Variants in NEGR1 observed in about 807,000 individuals in gnomAD.
NEGR1 encodes neuronal growth regulator 1, also known as IgLON family member 4.
Under a neutral mutation model 40.9 loss-of-function variants are expected in NEGR1, and 10 were observed. That is an observed-to-expected ratio of 0.24 (90% CI 0.15 to 0.42). The LOEUF (loss-of-function observed/expected upper bound fraction) is 0.42, where lower values mean the gene tolerates loss of function less well. NEGR1 is among the 10% of genes least tolerant of loss of function. The pLI, the probability that NEGR1 is intolerant of heterozygous loss-of-function variation, is 1.00. For missense variants in NEGR1, 352 were observed against 438.9 expected (o/e 0.80, Z 1.77); for synonymous variants, 185 against 166.8 (o/e 1.11, Z -0.84).
chr1:72,063,058 C>T lies in NEGR1; in HGVS notation c.177-127747G>A, dbSNP rs74837236. The stretch of plus-strand genomic sequence containing the variant: ...AAAGAAGCGTTGATTTTAGAAGTCT[C>T]GAATAGATTATGATATAGTATTTAT... On this transcript the variant is annotated intron_variant, in intron 1 of 6. Transcript: ENST00000357731. Among the ~76,000 whole-genome samples, 651 of 151,648 alleles carry T rather than the reference C, an allele frequency of 4.3e-3. 4 individuals carry two copies. Among genetic ancestry groups the T allele is most frequent in the African/African-American group, 0.015 (615 of 41,344 alleles).
At chr1:71,485,985 G>C (rs1377795860) in intron 6 of NEGR1, among the ~76,000 whole-genome samples, 1 of 151,594 alleles carries the variant, frequency 6.6e-6, no homozygotes, top group Admixed American at 6.6e-5. Context: ...CATATGTTTA[G>C]TTTTACAAGA....
intron 6 of NEGR1, among the ~76,000 whole-genome samples, chr1:71,442,135 C>G (rs903962929): frequency 6.6e-6 from 1 of 151,342 alleles, no homozygotes; most frequent in African/African-American, 2.4e-5. Context: ...AAAAAAACCT[C>G]TCTATAAATG....
chr1:72,281,303 A>G (rs1365772163), intron 1 of NEGR1, among the ~76,000 whole-genome samples: 1 of 152,248 alleles, frequency 6.6e-6, no homozygotes, highest in East Asian at 1.9e-4. Flanking sequence ...TGTGTGAGTG[A>G]CAATGTGGAA....
intron 4 of NEGR1, among the ~76,000 whole-genome samples, chr1:71,622,178 T>C (rs553872827): frequency 2.0e-5 from 3 of 152,054 alleles, no homozygotes; most frequent in African/African-American, 7.2e-5. Context: ...ACTGTTTTCC[T>C]AGCTGTTTGC....
At chr1:72,229,722 A>C (rs918557060) in intron 1 of NEGR1, among the ~76,000 whole-genome samples, 1 of 151,920 alleles carries the variant, frequency 6.6e-6, no homozygotes, top group African/African-American at 2.4e-5. Flanking sequence ...TATTTCCAAA[A>C]GTCTGTAAAA....
chr1:71,496,923 A>G (rs1646967675), intron 6 of NEGR1, among the ~76,000 whole-genome samples: 1 of 152,204 alleles, frequency 6.6e-6, no homozygotes, highest in Admixed American at 6.5e-5. Context: ...CTTTCCTAAC[A>G]TCCATTTTCA....
intron 4 of NEGR1, among the ~76,000 whole-genome samples, chr1:71,692,439 T>G (rs1259270893): frequency 6.6e-6 from 1 of 151,714 alleles, no homozygotes; most frequent in Non-Finnish European, 1.5e-5. Flanking sequence ...CTCTGTTTTC[T>G]TCTAGTCCCA....
intron 2 of NEGR1, among the ~76,000 whole-genome samples, chr1:71,795,601 T>C (rs936481312): frequency 2.6e-5 from 4 of 152,172 alleles, no homozygotes; most frequent in African/African-American, 9.6e-5. Context: ...GATTATACAG[T>C]TTCCAAAAGC....
chr1:71,961,155 T>G (rs1195648786), intron 1 of NEGR1, among the ~76,000 whole-genome samples: 1 of 152,170 alleles, frequency 6.6e-6, no homozygotes, highest in Non-Finnish European at 1.5e-5. Context: ...AGTTGCCAAC[T>G]TGAACTAAAC....
intron 6 of NEGR1, among the ~76,000 whole-genome samples, chr1:71,519,774 C>G (rs1474343964): frequency 6.7e-6 from 1 of 149,392 alleles, no homozygotes; most frequent in East Asian, 2.0e-4. Context: ...GATCACACAG[C>G]AAGTGAATCA....
At chr1:72,255,952 C>G (rs1655259608) in intron 1 of NEGR1, among the ~76,000 whole-genome samples, 1 of 152,082 alleles carries the variant, frequency 6.6e-6, no homozygotes, top group African/African-American at 2.4e-5. Context: ...AAGTCCCAAT[C>G]TAGAAGTTTG....
At chr1:72,196,081 G>A (rs1001014481) in intron 1 of NEGR1, among the ~76,000 whole-genome samples, 2 of 151,966 alleles carry the variant, frequency 1.3e-5, no homozygotes, top group African/African-American at 4.8e-5. Context: ...AATGAAAGGA[G>A]CGTATTGTGG....
At chr1:71,581,646 C>T in intron 6 of NEGR1, among the ~76,000 whole-genome samples, 1 of 150,944 alleles carries the variant, frequency 6.6e-6, no homozygotes, top group African/African-American at 2.4e-5. Flanking sequence ...ATGGAATTTA[C>T]AATAAAGATA....
intron 3 of NEGR1, among the ~76,000 whole-genome samples, chr1:71,700,981 A>G (rs192044021): frequency 4.7e-4 from 72 of 152,060 alleles, no homozygotes; most frequent in Non-Finnish European, 8.8e-5. Context: ...GAGCCAAGAA[A>G]AGCTGTGGCC....
intron 3 of NEGR1, among the ~76,000 whole-genome samples, chr1:71,709,575 A>G (rs1654013126): frequency 1.3e-5 from 2 of 152,196 alleles, no homozygotes; most frequent in Non-Finnish European, 2.9e-5. Flanking sequence ...ACACACCTAC[A>G]GTGAACTCAT....
chr1:71,446,084 A>G (rs908529383), intron 6 of NEGR1, among the ~76,000 whole-genome samples: 3 of 152,222 alleles, frequency 2.0e-5, no homozygotes, highest in Non-Finnish European at 4.4e-5. Context: ...TAAAATTTAA[A>G]TCACATTGCT....
intron 1 of NEGR1, among the ~76,000 whole-genome samples, chr1:72,163,764 A>AGATAGATTGATT (rs3080237): frequency 3.5e-5 from 5 of 143,912 alleles, no homozygotes; most frequent in Admixed American, 7.0e-5. Flanking sequence ...ATAGATAGAT[A>AGATAGATTGATT]TAGATTTAGA....
chr1:71,753,194 C>A (rs1570299264), intron 3 of NEGR1, among the ~76,000 whole-genome samples: 1 of 152,132 alleles, frequency 6.6e-6, no homozygotes, highest in South Asian at 2.1e-4. Context: ...TATTGCCTGG[C>A]AGACAATAGT....
Position 71,971,862 on chromosome 1 carries a change from GT to G in NEGR1, c.177-36552del, listed in dbSNP as rs1557462183. ...AATATTTTCAAATGTATTTGCTAAC[GT>G]TATCTGCTTCTTTCTCTGAATGCAG... On this transcript the variant is annotated intron_variant, in intron 1 of 6. Coordinates refer to ENST00000357731, the MANE Select transcript of NEGR1 (RefSeq NM_173808.3). 2.0e-5 allele frequency among the ~76,000 whole-genome samples: 3 copies of G among 152,174 alleles called. No homozygotes were observed. The East Asian group carries it at 5.8e-4, about 29-fold the overall frequency.
Sources: gnomAD v4.1 joint callset for allele counts (sites outside exome capture counted in the v4.1 genomes callset) on GRCh38, gnomAD v4.1.1 for gene constraint, MANE v1.5 for transcripts, NCBI Gene and HGNC (gene_info 2026-07-23, HGNC 2026-07-21) for gene names.